MINDY4: variants seen among roughly 807,000 people sequenced by gnomAD.
MINDY4 encodes probable ubiquitin carboxyl-terminal hydrolase MINDY-4.
A neutral mutation model predicts 87.0 loss-of-function variants in MINDY4; 68 were observed. The observed-to-expected ratio is 0.78, with a 90% CI of 0.64 to 0.96. The LOEUF is 0.96. MINDY4 is among the 40% of genes least tolerant of loss of function. MINDY4 has a pLI of 0.00. For missense variants in MINDY4, 919 were observed against 928.2 expected (o/e 0.99, Z 0.13); for synonymous variants, 379 against 363.2 (o/e 1.04, Z -0.50).
chr7:30,791,627 A>C, intron 5 of MINDY4, 53 bp downstream of exon 5: 1 of 1,538,124 alleles, frequency 6.5e-7, no homozygotes, highest in Non-Finnish European at 8.8e-7. Flanking sequence ...TCCACCTCTC[A>C]CATGTTGTCT....
At chr7:30,881,099 G>A (rs1022009684) in intron 15 of MINDY4, among the ~76,000 whole-genome samples, 8 of 152,196 alleles carry the variant, frequency 5.3e-5, no homozygotes, top group African/African-American at 1.9e-4. Context: ...ATCTCCCTGG[G>A]GCTGGTAGGG....
chr7:30,782,707 A>G (rs531639647), intron 3 of MINDY4, among the ~76,000 whole-genome samples: 12 of 150,658 alleles, frequency 8.0e-5, no homozygotes, highest in African/African-American at 3.0e-4. Context: ...TGTCTCTTAA[A>G]AAAGAAAAAA....
intron 5 of MINDY4, among the ~76,000 whole-genome samples, chr7:30,792,290 TTAA>T (rs1279356844): frequency 6.6e-6 from 1 of 152,240 alleles, no homozygotes; most frequent in Non-Finnish European, 1.5e-5. Context: ...ATTTGACTTA[TTAA>T]TATTTCGTGT....
intron 1 of MINDY4, among the ~76,000 whole-genome samples, chr7:30,774,532 A>G (rs1786749431): frequency 1.3e-5 from 2 of 150,256 alleles, no homozygotes; most frequent in South Asian, 2.1e-4. Flanking sequence ...TAGAAACCCC[A>G]TAAAGGACCT....
intron 5 of MINDY4, among the ~76,000 whole-genome samples, chr7:30,823,005 A>T (rs1438506140): frequency 6.6e-6 from 1 of 151,984 alleles, no homozygotes; most frequent in African/African-American, 2.4e-5. Context: ...TCCTAAGAAC[A>T]CCCATATTCT....
intron 15 of MINDY4, among the ~76,000 whole-genome samples, chr7:30,878,408 C>G (rs1461989649): frequency 6.6e-6 from 1 of 152,146 alleles, no homozygotes; most frequent in African/African-American, 2.4e-5. Context: ...GAAACTCACC[C>G]CCTGCCATAA....
chr7:30,882,403 A>G lies in MINDY4; in HGVS notation c.2152+42A>G, dbSNP rs547305348. On this transcript the variant is annotated intron_variant, in intron 16 of 17. Coordinates refer to ENST00000265299, the MANE Select transcript of MINDY4 (RefSeq NM_032222.3). ...CCCCACCCACCCAACCCTGTCCCCA[A>G]GGAGCCTCCAGGCTGGTCACAGAAA... 1.3e-4 allele frequency: 148 copies of G among 1,152,672 alleles called. No individual in the cohort carries two copies. The African/African-American group carries it at 3.7e-3, about 29-fold the overall frequency. The allele number at this position is 1,152,672 out of a possible 1,614,324, so 71.4% of individuals were successfully genotyped here.
intron 13 of MINDY4, among the ~76,000 whole-genome samples, chr7:30,860,427 A>G (rs1333476568): frequency 1.3e-5 from 2 of 152,056 alleles, no homozygotes; most frequent in South Asian, 4.1e-4. Flanking sequence ...TGCCATAATG[A>G]TATGATTCAT....
At chr7:30,774,974 T>C (rs73297989) in intron 1 of MINDY4, among the ~76,000 whole-genome samples, 1,610 of 152,280 alleles carry the variant, frequency 0.011, 31 homozygotes, top group African/African-American at 0.037. Context: ...CCTTGAACTC[T>C]TGAATTCTTA....
chr7:30,796,581 C>T (rs1275406016), intron 5 of MINDY4: 1 of 152,148 alleles, frequency 6.6e-6, no homozygotes, highest in East Asian at 1.9e-4. Flanking sequence ...ACTTCATAGA[C>T]TGTCAGTGCT....
At chr7:30,806,751 G>A (rs1243285361) in intron 5 of MINDY4, among the ~76,000 whole-genome samples, 1 of 152,252 alleles carries the variant, frequency 6.6e-6, no homozygotes, top group Non-Finnish European at 1.5e-5. Context: ...TTGAAGGCTA[G>A]GGGAAGGTGG....
chr7:30,846,374 T>C (rs1402981027), intron 9 of MINDY4, among the ~76,000 whole-genome samples: 1 of 152,228 alleles, frequency 6.6e-6, no homozygotes, highest in African/African-American at 2.4e-5. Context: ...AAAAGCAGGA[T>C]GTATTATTCC....
chr7:30,780,645 A>G (rs1213946559), intron 2 of MINDY4: 1 of 152,238 alleles, frequency 6.6e-6, no homozygotes, highest in Non-Finnish European at 1.5e-5. Context: ...TTTAATGTTA[A>G]TATTTCTAGT....
chr7:30,873,082 C>T (rs1414939134), intron 14 of MINDY4, among the ~76,000 whole-genome samples: 7 of 152,188 alleles, frequency 4.6e-5, no homozygotes, highest in African/African-American at 1.4e-4. Flanking sequence ...GGCTCACTTG[C>T]GCCCAGCTCT....
At chr7:30,799,864 C>T (rs1787596006) in intron 5 of MINDY4, among the ~76,000 whole-genome samples, 1 of 152,104 alleles carries the variant, frequency 6.6e-6, no homozygotes, top group African/African-American at 2.4e-5. Flanking sequence ...GGAAGGAGCT[C>T]AGCAAAGGTG....
intron 15 of MINDY4, among the ~76,000 whole-genome samples, chr7:30,878,571 A>G (rs1790360513): frequency 6.6e-6 from 1 of 152,084 alleles, no homozygotes. Flanking sequence ...ACTGCATTCT[A>G]GGCTGCAGTT....
chr7:30,865,063 G>A (rs1702893320), intron 13 of MINDY4, among the ~76,000 whole-genome samples: 2 of 152,176 alleles, frequency 1.3e-5, no homozygotes, highest in Admixed American at 1.3e-4. Context: ...CTGGGACTCT[G>A]CTGAGCCTCT....
intron 5 of MINDY4, among the ~76,000 whole-genome samples, chr7:30,814,459 A>G (rs1788092876): frequency 6.6e-6 from 1 of 152,214 alleles, no homozygotes. Context: ...TCACGTCACC[A>G]TGGACCTGTG....
intron 5 of MINDY4, among the ~76,000 whole-genome samples, chr7:30,816,637 C>G (rs1788160512): frequency 6.7e-6 from 1 of 148,428 alleles, no homozygotes; most frequent in African/African-American, 2.5e-5. Context: ...AATCTGTCCT[C>G]ACTGGGCGAT....
Sources: allele counts gnomAD v4.1 joint callset (sites outside exome capture counted in the v4.1 genomes callset), GRCh38; gene constraint gnomAD v4.1.1; transcripts MANE v1.5; gene names NCBI Gene and HGNC (gene_info 2026-07-23, HGNC 2026-07-21).